The following TRPS1 variants were observed in gnomAD, a reference collection of about 807,000 sequenced individuals.
TRPS1 encodes the protein transcriptional repressor GATA binding 1, also known as zinc finger transcription factor Trps1.
TRPS1 carries 6 observed loss-of-function variants against 101.2 expected under a neutral mutation model. That is an observed-to-expected ratio of 0.06 (90% CI 0.03 to 0.12). The LOEUF (loss-of-function observed/expected upper bound fraction) is 0.12, where lower values mean the gene tolerates loss of function less well. Ranked by LOEUF, TRPS1 falls within the 10% of genes least tolerant of loss-of-function variation. TRPS1 has a pLI of 1.00. For synonymous variants in TRPS1, 578 were observed against 589.8 expected (o/e 0.98, Z 0.29); for missense variants, 1,363 against 1,567.0 (o/e 0.87, Z 2.20).
chr8:115,626,497 G>A (rs1283558941), intron 1 of TRPS1, among the ~76,000 whole-genome samples: 1 of 151,608 alleles, frequency 6.6e-6, no homozygotes, highest in Admixed American at 6.6e-5. Context: ...TTCAAACTTC[G>A]TAAACTCAAT....
chr8:115,439,407 C>G (rs1056638044), intron 5 of TRPS1, among the ~76,000 whole-genome samples: 1 of 152,152 alleles, frequency 6.6e-6, no homozygotes, highest in Non-Finnish European at 1.5e-5. Context: ...ATTATGAAGT[C>G]ATTAGTTTTT....
intron 5 of TRPS1, among the ~76,000 whole-genome samples, chr8:115,553,225 G>A (rs3802220): frequency 0.66 from 100,462 of 151,700 alleles, 34,000 homozygotes; most frequent in East Asian, 0.83. Flanking sequence ...AGTATTTTTT[G>A]TTGCTTTTTA....
At chr8:115,644,213 G>A (rs1320427326) in intron 1 of TRPS1, among the ~76,000 whole-genome samples, 1 of 152,134 alleles carries the variant, frequency 6.6e-6, no homozygotes, top group Admixed American at 6.5e-5. Flanking sequence ...CCCCTAACTA[G>A]TCAGCCTGTC....
chr8:115,558,290 G>A (rs1816871463), intron 5 of TRPS1, among the ~76,000 whole-genome samples: 1 of 152,098 alleles, frequency 6.6e-6, no homozygotes, highest in South Asian at 2.1e-4. Context: ...ATTGGGAAAG[G>A]TTGATGAAAT....
chr8:115,518,706 T>A (rs893591689), intron 5 of TRPS1, among the ~76,000 whole-genome samples: 1 of 151,858 alleles, frequency 6.6e-6, no homozygotes, highest in Non-Finnish European at 1.5e-5. Context: ...ATATACTTAT[T>A]AAAGTTAAAG....
intron 4 of TRPS1, among the ~76,000 whole-genome samples, chr8:115,593,037 T>C (rs1249592003): frequency 6.6e-6 from 1 of 152,030 alleles, no homozygotes; most frequent in Non-Finnish European, 1.5e-5. Flanking sequence ...AGGCTGGCCT[T>C]GAACTCCTGG....
At chr8:115,452,890 G>A (rs536676521) in intron 5 of TRPS1, among the ~76,000 whole-genome samples, 34 of 152,118 alleles carry the variant, frequency 2.2e-4, no homozygotes, top group South Asian at 4.2e-4. Flanking sequence ...CATTAATAAC[G>A]CTCTAGATAT....
intron 5 of TRPS1, among the ~76,000 whole-genome samples, chr8:115,535,705 C>CA (rs1160909002): frequency 5.3e-5 from 8 of 149,762 alleles, no homozygotes; most frequent in East Asian, 2.0e-4. Flanking sequence ...ACTAAAAATA[C>CA]AAAAAAAATT....
intron 4 of TRPS1, among the ~76,000 whole-genome samples, chr8:115,598,621 C>A (rs1011387779): frequency 8.5e-5 from 13 of 152,116 alleles, no homozygotes; most frequent in African/African-American, 3.1e-4. Flanking sequence ...CCTTTTTGAA[C>A]TACATAAACA....
At chr8:115,508,635 C>A (rs1365578841) in intron 5 of TRPS1, among the ~76,000 whole-genome samples, 1 of 151,910 alleles carries the variant, frequency 6.6e-6, no homozygotes, top group African/African-American at 2.4e-5. Context: ...TGAGGATAAT[C>A]CAAAGGATGT....
intron 3 of TRPS1, among the ~76,000 whole-genome samples, chr8:115,605,529 G>C (rs1255455152): frequency 6.6e-6 from 1 of 152,044 alleles, no homozygotes; most frequent in Non-Finnish European, 1.5e-5. Flanking sequence ...GTAAAATAAA[G>C]GTGCTCCAAT....
At chr8:115,646,987 A>G (rs1819038484) in intron 1 of TRPS1, among the ~76,000 whole-genome samples, 1 of 149,812 alleles carries the variant, frequency 6.7e-6, no homozygotes, top group African/African-American at 2.4e-5. Flanking sequence ...AGAAGGATCT[A>G]AACTTCCTTA....
intron 5 of TRPS1, among the ~76,000 whole-genome samples, chr8:115,505,083 G>A (rs1353797350): frequency 6.6e-6 from 1 of 152,054 alleles, no homozygotes; most frequent in Admixed American, 6.5e-5. Flanking sequence ...ATAAAAGACA[G>A]CCCTTTCCAA....
intron 1 of TRPS1, among the ~76,000 whole-genome samples, chr8:115,649,625 C>T (rs1250819650): frequency 2.6e-5 from 4 of 152,192 alleles, no homozygotes; most frequent in Non-Finnish European, 5.9e-5. Flanking sequence ...GTCAACCTAG[C>T]TCACCTATGG....
rs1419024024 is a variant in TRPS1 at position 115,408,518 on chromosome 8, T to C, written c.*5505A>G. On this transcript the variant is annotated 3_prime_UTR_variant, in exon 7 of 7. Coordinates refer to ENST00000395715, the MANE Select transcript of TRPS1 (RefSeq NM_014112.5). ...TTATGTGTAACTGGTGGTAAAACTTTATTATTCAAGTTTAGATGTAACAGA... is the reference window on the plus strand; with the variant it reads ...TTATGTGTAACTGGTGGTAAAACTTCATTATTCAAGTTTAGATGTAACAGA... 1 of 148,946 alleles carries C rather than the reference T, an allele frequency of 6.7e-6. No individual in the cohort carries two copies. Among genetic ancestry groups the C allele is most frequent in the Non-Finnish European group, 1.5e-5 (1 of 66,934 alleles). The allele number at this position is 148,946 out of a possible 1,614,324, so 9.2% of individuals were successfully genotyped here. A position where few individuals can be genotyped will look rare whatever the true frequency, so the allele number is the denominator to read the frequency against.
At chr8:115,499,873 T>C (rs1039035281) in intron 5 of TRPS1, among the ~76,000 whole-genome samples, 1 of 152,210 alleles carries the variant, frequency 6.6e-6, no homozygotes, top group Non-Finnish European at 1.5e-5. Context: ...AATTGATTTG[T>C]AGTACTAGGT....
chr8:115,457,271 C>A (rs1179714723), intron 5 of TRPS1, among the ~76,000 whole-genome samples: 1 of 152,148 alleles, frequency 6.6e-6, no homozygotes, highest in African/African-American at 2.4e-5. Flanking sequence ...GAATATTATA[C>A]AGCCTTAAAA....
intron 5 of TRPS1, among the ~76,000 whole-genome samples, chr8:115,475,069 G>A (rs899921862): frequency 4.0e-5 from 6 of 151,714 alleles, no homozygotes; most frequent in Middle Eastern, 3.4e-3. Context: ...ATAAAACAGA[G>A]GATTAAGTGA....
At chr8:115,540,588 CAGTT>C (rs1475646284) in intron 5 of TRPS1, among the ~76,000 whole-genome samples, 12 of 151,824 alleles carry the variant, frequency 7.9e-5, no homozygotes, top group Admixed American at 4.6e-4. Context: ...CTGAAAAAGT[CAGTT>C]AAAGTGGGGA....
Sources: gnomAD v4.1 joint callset for allele counts (sites outside exome capture counted in the v4.1 genomes callset) on GRCh38, gnomAD v4.1.1 for gene constraint, MANE v1.5 for transcripts, NCBI Gene and HGNC (gene_info 2026-07-23, HGNC 2026-07-21) for gene names.